The following ABCC1 variants were observed in gnomAD, a reference collection of about 807,000 sequenced individuals.
ABCC1 encodes the protein ATP binding cassette subfamily C member 1 (ABCC1 blood group), also known as multidrug resistance-associated protein 1.
ABCC1 carries 83 observed loss-of-function variants against 172.9 expected under a neutral mutation model. The ratio of observed to expected loss-of-function variants is 0.48; its 90% CI spans 0.40 to 0.58. The LOEUF is 0.58. Among genes scored for constraint, ABCC1 ranks in the 20% least tolerant of loss-of-function variants. ABCC1 has a pLI of 0.00. For missense variants in ABCC1, 1,817 were observed against 2,002.7 expected (o/e 0.91, Z 1.77); for synonymous variants, 937 against 825.2 (o/e 1.14, Z -2.32).
intron 12 of ABCC1, among the ~76,000 whole-genome samples, chr16:16,060,968 T>G (rs750020197): frequency 6.6e-6 from 1 of 151,984 alleles, no homozygotes; most frequent in Non-Finnish European, 1.5e-5. Context: ...AGGCGCCTAC[T>G]ACCATGCCCA....
chr16:15,998,178 TGGG>T (rs750915831), intron 1 of ABCC1, among the ~76,000 whole-genome samples: 1 of 4,936 alleles, frequency 2.0e-4, no homozygotes, highest in Non-Finnish European at 7.9e-4. Flanking sequence ...CTGGAGTGCC[TGGG>T]TGGGACGATC....
At chr16:16,077,780 T>C (rs1018811428) in intron 15 of ABCC1, among the ~76,000 whole-genome samples, 1 of 152,200 alleles carries the variant, frequency 6.6e-6, no homozygotes, top group African/African-American at 2.4e-5. Flanking sequence ...CCCAGCACTT[T>C]GGGAGGCCAA....
intron 1 of ABCC1, among the ~76,000 whole-genome samples, chr16:15,954,989 A>G (rs919856957): frequency 2.6e-5 from 4 of 152,082 alleles, no homozygotes; most frequent in African/African-American, 9.7e-5. Context: ...CGTTGCCTCA[A>G]ACGGGCTGCT....
chr16:16,120,095 C>T (rs533333043), intron 23 of ABCC1, among the ~76,000 whole-genome samples: 7 of 152,192 alleles, frequency 4.6e-5, no homozygotes, highest in African/African-American at 1.4e-4. Flanking sequence ...ACGCCCGTGC[C>T]GCCACCCAGG....
intron 5 of ABCC1, among the ~76,000 whole-genome samples, chr16:16,032,841 G>T (rs984264959): frequency 6.6e-6 from 1 of 152,162 alleles, no homozygotes; most frequent in African/African-American, 2.4e-5. Context: ...GTTGTTGTGG[G>T]GATAGAAGAC....
chr16:16,039,109 G>A (rs750049664), intron 7 of ABCC1, among the ~76,000 whole-genome samples: 47 of 152,016 alleles, frequency 3.1e-4, no homozygotes, highest in Non-Finnish European at 1.9e-4. Context: ...GAGACAGGAC[G>A]TTGGTTGTGA....
intron 19 of ABCC1, among the ~76,000 whole-genome samples, chr16:16,102,061 G>A (rs1474278916): frequency 6.6e-6 from 1 of 152,098 alleles, no homozygotes; most frequent in African/African-American, 2.4e-5. Flanking sequence ...TGTGGAAACA[G>A]CCACTGCCCC....
intron 23 of ABCC1, among the ~76,000 whole-genome samples, chr16:16,117,437 A>G (rs1040812185): frequency 1.3e-5 from 2 of 152,154 alleles, no homozygotes; most frequent in African/African-American, 4.8e-5. Context: ...ACAATTCAAG[A>G]TGAAATTTGG....
Position 15,950,522 on chromosome 16 carries a change from C to T in ABCC1, c.48+723C>T, listed in dbSNP as rs377469278. On this transcript the variant is annotated intron_variant, in intron 1 of 30. Coordinates refer to ENST00000399410, the MANE Select transcript of ABCC1 (RefSeq NM_004996.4). The stretch of plus-strand genomic sequence containing the variant: ...CCTCCCTTCCCTGCAACACGTGGAG[C>T]TCCTCTCTGGGGATGCCCCTTAGAT... 4.6e-5 allele frequency among the ~76,000 whole-genome samples: 7 copies of T among 152,124 alleles called. No individual in the cohort carries two copies. In the East Asian group the frequency reaches 5.8e-4, roughly 13 times the overall value.
intron 12 of ABCC1, among the ~76,000 whole-genome samples, chr16:16,063,052 C>T (rs1190234056): frequency 6.6e-6 from 1 of 152,128 alleles, no homozygotes; most frequent in Non-Finnish European, 1.5e-5. Context: ...TGATCATATC[C>T]TAGGGCCCAT....
intron 10 of ABCC1, among the ~76,000 whole-genome samples, chr16:16,051,481 A>G (rs568962623): frequency 1.7e-3 from 263 of 152,222 alleles, no homozygotes; most frequent in Non-Finnish European, 2.4e-3. Flanking sequence ...CCACAAGGCT[A>G]TAAGTTAATA....
At chr16:15,992,632 C>T (rs965755624) in intron 1 of ABCC1, among the ~76,000 whole-genome samples, 4 of 152,188 alleles carry the variant, frequency 2.6e-5, no homozygotes, top group Admixed American at 6.5e-5. Context: ...AACTCCTAAC[C>T]TTGGGTGATC....
At chr16:16,044,204 A>C (rs977377595) in intron 7 of ABCC1, among the ~76,000 whole-genome samples, 2 of 152,180 alleles carry the variant, frequency 1.3e-5, no homozygotes, top group African/African-American at 4.8e-5. Context: ...AGGCCCAGAG[A>C]GCTTAAGGAC....
At position 16,131,807 on chromosome 16, in the gene ABCC1, G is replaced by A. The variant is rs1235274291; in HGVS notation, c.3838G>A (p.Glu1280Lys). Residue 1280 changes from glutamate (E) to lysine (K), a missense_variant, in exon 27 of 31, where the codon GAG (glutamate) becomes AAG (lysine). By Grantham distance (56) the Glu-to-Lys change is moderately conservative. This residue lies in a region of ABCC1 where 1,412 missense variants were observed against 1,600.3 expected (regional missense o/e 0.88). Coordinates refer to ENST00000399410, the MANE Select transcript of ABCC1 (RefSeq NM_004996.4). ...ATCGAAGGCGCCCTGGCAAATCCAG[G>A]AGACAGCTCCGCCCAGCAGCTGGCC... ...TEKEAPWQIQ[E>K]TAPPSSWPQV... 1 of 1,613,720 alleles carries A rather than the reference G, an allele frequency of 6.2e-7. No homozygotes were observed. Among genetic ancestry groups the A allele is most frequent in the Non-Finnish European group, 8.5e-7 (1 of 1,179,936 alleles).
Position 16,014,499 on chromosome 16 carries a change from T to C in ABCC1, c.360T>C (p.Ala120=). 1.9e-6 allele frequency: 3 copies of C among 1,613,982 alleles called. No individual in the cohort carries two copies. The highest frequency in any genetic ancestry group is 1.7e-6 in the Non-Finnish European group (2 of 1,179,966). The change falls in exon 4 of 31, where the codon GCT becomes GCC. Residue 120 remains alanine, a synonymous_variant. Coordinates refer to ENST00000399410, the MANE Select transcript of ABCC1 (RefSeq NM_004996.4). ...TGTGCTTCTCTCCTCAGCTGCTTGC[T>C]ACCTTTTTAATTCAGCTGGAGAGGA... ...PTLLGITMLL[A]TFLIQLERRK... is the part of the protein sequence containing the mutation.
intron 3 of ABCC1, among the ~76,000 whole-genome samples, chr16:16,013,797 A>T (rs1472563177): frequency 6.6e-6 from 1 of 152,126 alleles, no homozygotes; most frequent in Non-Finnish European, 1.5e-5. Flanking sequence ...GTTGTTAAAA[A>T]GCTTAAGGGG....
intron 12 of ABCC1, among the ~76,000 whole-genome samples, chr16:16,064,472 CCTT>C (rs2050038801): frequency 6.6e-6 from 1 of 152,232 alleles, no homozygotes; most frequent in Non-Finnish European, 1.5e-5. Flanking sequence ...ATGACCTCCT[CCTT>C]CTGGAGAAGC....
chr16:15,985,045 G>A (rs964952772), intron 1 of ABCC1, among the ~76,000 whole-genome samples: 1 of 152,182 alleles, frequency 6.6e-6, no homozygotes, highest in Non-Finnish European at 1.5e-5. Context: ...AGAGGCCGCA[G>A]TGAGCCATGA....
intron 1 of ABCC1, among the ~76,000 whole-genome samples, chr16:15,970,792 C>T (rs866840863): frequency 6.6e-6 from 1 of 152,034 alleles, no homozygotes; most frequent in African/African-American, 2.4e-5. Context: ...ATGAGGTCTC[C>T]CTGTGTTGTC....
Sources: gnomAD v4.1 joint callset for allele counts (sites outside exome capture counted in the v4.1 genomes callset) on GRCh38, gnomAD v4.1.1 for gene constraint, gnomAD v4.1.1 regional missense constraint, MANE v1.5 for transcripts, NCBI Gene and HGNC (gene_info 2026-07-23, HGNC 2026-07-21) for gene names.